Variants in RALGAPA1 observed in about 807,000 individuals in gnomAD.
RALGAPA1 encodes the protein ral GTPase-activating protein subunit alpha-1.
In RALGAPA1, 52 loss-of-function variants were observed where a neutral mutation model predicts 269.6. The ratio of observed to expected loss-of-function variants is 0.19; its 90% CI spans 0.15 to 0.24. The LOEUF is 0.24. Among genes scored for constraint, RALGAPA1 ranks in the 10% least tolerant of loss-of-function variants. The pLI, the probability that RALGAPA1 is intolerant of heterozygous loss-of-function variation, is 1.00. For missense variants in RALGAPA1, 1,917 were observed against 3,013.9 expected (o/e 0.64, Z 8.52); for synonymous variants, 817 against 1,008.3 (o/e 0.81, Z 3.60).
rs568122661 is a variant in RALGAPA1 at position 35,549,222 on chromosome 14, T to C, written c.7509A>G (p.Arg2503=). Residue 2503 remains arginine, a synonymous_variant, in exon 40 of 42, where the codon AGA becomes AGG. Transcript: ENST00000680220. ...IPLYQNFYEE[R]ARYLQTIVQH... ...GGACAATTGTTTGCAGGTATCGTGC[T>C]CTCTCCTCATAGCTGATTTCCTTTG... 6.2e-7 allele frequency: 1 copy of C among 1,612,878 alleles called. No individual in the cohort carries two copies. Among genetic ancestry groups the C allele is most frequent in the African/African-American group, 1.3e-5 (1 of 74,982 alleles).
At chr14:35,783,279 G>C (rs551652248) in intron 1 of RALGAPA1, among the ~76,000 whole-genome samples, 1 of 151,906 alleles carries the variant, frequency 6.6e-6, no homozygotes, top group South Asian at 2.1e-4. Flanking sequence ...CATCGACAAG[G>C]GTACCAAACA....
chr14:35,632,209 A>C (rs181969068), intron 33 of RALGAPA1, among the ~76,000 whole-genome samples: 1 of 152,336 alleles, frequency 6.6e-6, no homozygotes, highest in African/African-American at 2.4e-5. Flanking sequence ...GAACATACAT[A>C]TCTCTCTTCT....
At chr14:35,796,598 A>T (rs753336006) in intron 1 of RALGAPA1, among the ~76,000 whole-genome samples, 114 of 152,170 alleles carry the variant, frequency 7.5e-4, no homozygotes, top group Admixed American at 2.5e-3. Flanking sequence ...AGACTCCTCA[A>T]CACCAGTGAT....
chr14:35,787,033 C>T lies in RALGAPA1; in HGVS notation c.107-11288G>A, dbSNP rs566027925. ...AAGGCACAGATCAAATGTCCCTGCC[C>T]CATGAAGCCTTCTCTGAGCCACTCA... On this transcript the variant is annotated intron_variant, in intron 1 of 41. Coordinates refer to ENST00000680220, the MANE Select transcript of RALGAPA1 (RefSeq NM_001346249.2). Among the ~76,000 whole-genome samples, 17 of 152,268 alleles carry T rather than the reference C, an allele frequency of 1.1e-4. No homozygotes were observed. The South Asian group carries it at 2.1e-3, about 19-fold the overall frequency.
At chr14:35,571,092 A>G (rs2057151575) in intron 38 of RALGAPA1, among the ~76,000 whole-genome samples, 1 of 152,234 alleles carries the variant, frequency 6.6e-6, no homozygotes, top group Admixed American at 6.5e-5. Context: ...ACAAAAGAAA[A>G]ATATATACTT....
At chr14:35,781,604 A>G (rs578198290) in intron 1 of RALGAPA1, among the ~76,000 whole-genome samples, 2 of 151,980 alleles carry the variant, frequency 1.3e-5, no homozygotes, top group Non-Finnish European at 2.9e-5. Flanking sequence ...CTATCTATCT[A>G]TCTACACACA....
At chr14:35,765,349 A>G (rs1212593671) in intron 4 of RALGAPA1, among the ~76,000 whole-genome samples, 1 of 152,110 alleles carries the variant, frequency 6.6e-6, no homozygotes, top group African/African-American at 2.4e-5. Flanking sequence ...TTTAAGATAT[A>G]TTTGTTAGGC....
At chr14:35,543,025 ATAT>A (rs1318970812) in intron 41 of RALGAPA1, among the ~76,000 whole-genome samples, 1 of 152,336 alleles carries the variant, frequency 6.6e-6, no homozygotes, top group Admixed American at 6.5e-5. Context: ...GCCCTATAAA[ATAT>A]TATATCTTTA....
At chr14:35,553,714 A>G (rs1315395955) in intron 39 of RALGAPA1, among the ~76,000 whole-genome samples, 1 of 152,208 alleles carries the variant, frequency 6.6e-6, no homozygotes, top group Non-Finnish European at 1.5e-5. Context: ...TTTTCACAAA[A>G]AGGAATTATA....
At chr14:35,711,395 AC>A (rs2068323140) in intron 16 of RALGAPA1, among the ~76,000 whole-genome samples, 4 of 152,164 alleles carry the variant, frequency 2.6e-5, no homozygotes, top group Admixed American at 2.0e-4. Context: ...TTTTAAAAAA[AC>A]CTTTTTTAGT....
At chr14:35,714,489 A>G (rs987122499) in intron 16 of RALGAPA1, among the ~76,000 whole-genome samples, 2 of 152,140 alleles carry the variant, frequency 1.3e-5, no homozygotes, top group African/African-American at 4.8e-5. Context: ...TTTTTACCTT[A>G]TATTTTTAAA....
intron 26 of RALGAPA1, among the ~76,000 whole-genome samples, chr14:35,670,370 GTTAA>G (rs1431729330): frequency 2.6e-5 from 4 of 152,162 alleles, no homozygotes; most frequent in Non-Finnish European, 4.4e-5. Flanking sequence ...TAGACTTCCA[GTTAA>G]TTATTATTTT....
In RALGAPA1 at chr14:35,654,542, C is replaced by T. The variant is rs866956000; in HGVS notation, c.5497-65G>A. Reference sequence around the variant, plus strand: ...GAACTTTTCATCAATGTATTATCTGCTGAAAATTTTTACATTTCATACATT... The same window carrying T: ...GAACTTTTCATCAATGTATTATCTGTTGAAAATTTTTACATTTCATACATT... On this transcript the variant is annotated intron_variant, in intron 29 of 41. Coordinates refer to ENST00000680220, the MANE Select transcript of RALGAPA1 (RefSeq NM_001346249.2). The T allele has an allele frequency of 8.3e-5, 124 of 1,495,802 alleles. No individual in the cohort carries two copies. The Middle Eastern group carries it at 1.1e-3, about 13-fold the overall frequency. The allele number at this position is 1,495,802 out of a possible 1,614,324, so 92.7% of individuals were successfully genotyped here.
At chr14:35,688,438 C>T (rs2066150887) in intron 18 of RALGAPA1, 21 bp downstream of exon 18, 1 of 1,536,048 alleles carries the variant, frequency 6.5e-7, no homozygotes, top group Non-Finnish European at 8.7e-7. Flanking sequence ...CTTTTGCGCT[C>T]TGCACACTGT....
At chr14:35,606,756 T>TAAA (rs200605816) in intron 35 of RALGAPA1, among the ~76,000 whole-genome samples, 8 of 141,340 alleles carry the variant, frequency 5.7e-5, no homozygotes, top group Non-Finnish European at 1.1e-4. Context: ...ATGTAGGAAT[T>TAAA]AAAAAAAAAA....
intron 35 of RALGAPA1, among the ~76,000 whole-genome samples, chr14:35,608,685 A>G (rs2059735272): frequency 6.6e-6 from 1 of 152,222 alleles, no homozygotes; most frequent in African/African-American, 2.4e-5. Context: ...AGAGCCCCAA[A>G]ATACATGATG....
chr14:35,561,374 C>T (rs2056220413), intron 39 of RALGAPA1, among the ~76,000 whole-genome samples: 1 of 151,406 alleles, frequency 6.6e-6, no homozygotes, highest in Non-Finnish European at 1.5e-5. Flanking sequence ...TATATGGGGC[C>T]CCTGTTTAAA....
intron 31 of RALGAPA1, among the ~76,000 whole-genome samples, 190 bp from the exon 32 acceptor site, chr14:35,635,788 T>C (rs1347198180): frequency 6.6e-6 from 1 of 152,192 alleles, no homozygotes; most frequent in Non-Finnish European, 1.5e-5. Flanking sequence ...GGTTTCTCTT[T>C]CATATGTCAG....
Position 35,738,575 on chromosome 14 carries a change from G to A in RALGAPA1, c.1525C>T (p.His509Tyr). The change falls in exon 12 of 42, where the codon CAT becomes TAT. Residue 509 changes from histidine (H) to tyrosine (Y), a missense_variant. Transcript: ENST00000680220. ...TCTGTGGCTTCTTCAGAGGCGTTAT[G>A]AAGAGCACCTTGGTAGGAGCCGTTT... ...AKNGSYQGALHNASEEATEQN... is the reference protein window; with the variant it reads ...AKNGSYQGALYNASEEATEQN... 2.5e-6 allele frequency: 4 copies of A among 1,613,672 alleles called. No individual in the cohort carries two copies. Among genetic ancestry groups the A allele is most frequent in the Non-Finnish European group, 3.4e-6 (4 of 1,179,808 alleles).
Sources: gnomAD v4.1 joint callset for allele counts (sites outside exome capture counted in the v4.1 genomes callset) on GRCh38, gnomAD v4.1.1 for gene constraint, MANE v1.5 for transcripts, NCBI Gene and HGNC (gene_info 2026-07-23, HGNC 2026-07-21) for gene names.